MAOA: variants seen among roughly 807,000 people sequenced by gnomAD.
MAOA encodes the protein amine oxidase [flavin-containing] A.
MAOA carries 6 observed loss-of-function variants against 42.0 expected under a neutral mutation model. The ratio of observed to expected loss-of-function variants is 0.14; its 90% confidence interval spans 0.08 to 0.28. MAOA has a LOEUF of 0.28. Among genes scored for constraint, MAOA ranks in the 10% least tolerant of loss-of-function variants. The probability of loss-of-function intolerance (pLI) is 1.00; values close to 1 mark genes in which losing one functional copy is unlikely to be tolerated. For missense variants in MAOA, 262 were observed against 422.3 expected (o/e 0.62, Z 3.33); for synonymous variants, 140 against 154.0 (o/e 0.91, Z 0.67).
chrX:43,685,723 A>G (rs1338382934), intron 2 of MAOA, among the ~76,000 whole-genome samples: 1 of 112,014 alleles, frequency 8.9e-6, no homozygotes, highest in Non-Finnish European at 1.9e-5. Flanking sequence ...ATCAGGCCCT[A>G]TCTCAGAACT....
rs1601950356 is a variant in MAOA at position 43,740,665 on chromosome X, TGGCTCTG to T, written c.1107-15_1107-9del. On this transcript the variant is annotated splice_polypyrimidine_tract_variant and intron_variant, in intron 10 of 14. Coordinates refer to ENST00000338702, the MANE Select transcript of MAOA (RefSeq NM_000240.4). ...CCCTAACTTTATTTTTTTTTTTTTT[TGGCTCTG>T]TTTTATAGGAAGAAGAAAATCTGTG... 6.0e-6 allele frequency: 7 copies of T among 1,164,854 alleles called. No individual in the cohort carries two copies. In the Admixed American group the frequency reaches 7.1e-5, roughly 12 times the overall value.
intron 11 of MAOA, 76 bp downstream of exon 11, chrX:43,740,814 A>T: frequency 1.1e-6 from 1 of 924,197 alleles, no homozygotes; most frequent in Non-Finnish European, 1.5e-6. Flanking sequence ...GCATATTCTG[A>T]TTTTTTGACA....
chrX:43,732,587 A>G (rs2033890976), intron 8 of MAOA, 112 bp from the exon 9 acceptor site: 1 of 552,367 alleles, frequency 1.8e-6, no homozygotes, highest in Non-Finnish European at 3.2e-6. Flanking sequence ...GCCAAGACCA[A>G]GAGTTTAAGT....
In MAOA at chrX:43,712,705, A is replaced by T. The variant is rs1157474072; in HGVS notation, c.412A>T (p.Ile138Phe). Reference sequence around the variant, plus strand: ...GAGAGGGGACTTCCTTTCTCTACAGATTCCAACTGATGCACCCTGGGAGGC... The same window carrying T: ...GAGAGGGGACTTCCTTTCTCTACAGTTTCCAACTGATGCACCCTGGGAGGC... ...WRTIDNMGKEIPTDAPWEAQH... is the reference protein window; with the variant it reads ...WRTIDNMGKEFPTDAPWEAQH... Residue 138 changes from isoleucine (I) to phenylalanine (F), a missense_variant and splice_region_variant, in exon 5 of 15, where the codon ATT (isoleucine) becomes TTT (phenylalanine). Physicochemically the swap from Ile to Phe is conservative, Grantham distance 21. Transcript: ENST00000338702. 5.0e-6 allele frequency: 6 copies of T among 1,192,718 alleles called. No individual in the cohort carries two copies. The highest frequency in any genetic ancestry group is 6.8e-6 in the Non-Finnish European group (6 of 880,172).
intron 6 of MAOA, 151 bp downstream of exon 6, chrX:43,728,465 T>A (rs2033856676): frequency 9.6e-6 from 6 of 626,560 alleles, no homozygotes; most frequent in South Asian, 2.6e-5. Context: ...GAAAAAAAAA[T>A]TTCTCATTTC....
intron 1 of MAOA, among the ~76,000 whole-genome samples, chrX:43,673,895 T>C (rs2033361919): frequency 8.9e-6 from 1 of 111,895 alleles, no homozygotes; most frequent in Admixed American, 9.4e-5. Flanking sequence ...ATAGGTGTGG[T>C]GTGGTGCTGA....
intron 7 of MAOA, 40 bp downstream of exon 7, chrX:43,731,430 C>T: frequency 1.7e-6 from 2 of 1,159,043 alleles, no homozygotes; most frequent in Non-Finnish European, 2.4e-6. Context: ...AGTAAATAGG[C>T]CTTGTGTCTT....
chrX:43,731,974 A>C, intron 8 of MAOA, 121 bp downstream of exon 8: 2 of 731,198 alleles, frequency 2.7e-6, no homozygotes, highest in Non-Finnish European at 4.1e-6. Flanking sequence ...AAAAAGGATT[A>C]GAAATCTTGG....
chrX:43,733,552 T>C (rs983624659), intron 9 of MAOA, among the ~76,000 whole-genome samples: 8 of 112,046 alleles, frequency 7.1e-5, no homozygotes, highest in Non-Finnish European at 1.5e-4. Context: ...CCCTCTTGCC[T>C]GCCTTTTGGC....
intron 3 of MAOA, among the ~76,000 whole-genome samples, chrX:43,705,220 TAAAACAATGTGTACTTGTATA>T (rs2147091120): frequency 8.9e-6 from 1 of 112,411 alleles, no homozygotes; most frequent in East Asian, 2.8e-4. Flanking sequence ...GCTAGTGTGC[TAAAACAATGTGTACTTGTATA>T]AAAACAATGT....
At chrX:43,737,699 A>G (rs773289539) in intron 10 of MAOA, among the ~76,000 whole-genome samples, 1 of 111,716 alleles carries the variant, frequency 9.0e-6, no homozygotes, top group Admixed American at 9.5e-5. Flanking sequence ...TTCCGCAGAG[A>G]CCCCACCTCA....
At chrX:43,730,604 G>T (rs968116621) in intron 6 of MAOA, among the ~76,000 whole-genome samples, 1 of 104,731 alleles carries the variant, frequency 9.5e-6, no homozygotes, top group Non-Finnish European at 1.9e-5. Context: ...TGGTTCTCCT[G>T]CCTCAGCCTC....
chrX:43,680,500 T>C (rs1049444607), intron 1 of MAOA, among the ~76,000 whole-genome samples: 1 of 111,334 alleles, frequency 9.0e-6, no homozygotes, highest in Non-Finnish European at 1.9e-5. Flanking sequence ...AGAGGGCTGA[T>C]CACATTAGAA....
In MAOA at chrX:43,732,918, T is replaced by C. The variant is rs548648873; in HGVS notation, c.1052+123T>C. 1.6e-4 allele frequency: 89 copies of C among 541,166 alleles called. No homozygotes were observed. In the South Asian group the frequency reaches 2.0e-3, roughly 12 times the overall value. 44.6% of individuals were successfully genotyped at this position (541,166 alleles called of 1,213,427 possible). The stretch of plus-strand genomic sequence containing the variant: ...TGATGAATAATGCTATCAAAATATA[T>C]AATGTTTCCATGTGTTAAAATATTG... On this transcript the variant is annotated intron_variant, in intron 9 of 14. Transcript: ENST00000338702.
intron 2 of MAOA, among the ~76,000 whole-genome samples, chrX:43,685,323 C>T (rs1057277991): frequency 7.2e-5 from 8 of 111,802 alleles, no homozygotes; most frequent in Non-Finnish European, 1.1e-4. Flanking sequence ...GCTTTTCCTT[C>T]GCCAAAAGAC....
At position 43,740,709 on chromosome X, in the gene MAOA, A is replaced by G. The variant is rs756461907; in HGVS notation, c.1135A>G (p.Lys379Glu). Residue 379 changes from lysine to glutamate, a missense_variant, in exon 11 of 15, where the codon AAA becomes GAA. This residue lies in a region of MAOA where 86 missense variants were observed against 190.3 expected (regional missense o/e 0.45). Coordinates refer to ENST00000338702, the MANE Select transcript of MAOA (RefSeq NM_000240.4). Reference protein sequence around the residue: ...RKKKICELYAKVLGSQEALHP... With the variant: ...RKKKICELYAEVLGSQEALHP... ...GAAGAAAATCTGTGAGCTCTATGCC[A>G]AAGTGCTGGGATCCCAAGAAGCTTT... 2.5e-6 allele frequency: 3 copies of G among 1,197,655 alleles called. No individual in the cohort carries two copies. Among genetic ancestry groups the G allele is most frequent in the African/African-American group, 1.8e-5 (1 of 55,981 alleles).
intron 9 of MAOA, among the ~76,000 whole-genome samples, chrX:43,734,620 C>G (rs1360162705): frequency 8.9e-6 from 1 of 112,234 alleles, no homozygotes; most frequent in Non-Finnish European, 1.9e-5. Flanking sequence ...TTGCCCAGCA[C>G]TGTGTTTGTA....
chrX:43,715,478 T>C (rs2033735474), intron 5 of MAOA, among the ~76,000 whole-genome samples: 1 of 109,625 alleles, frequency 9.1e-6, no homozygotes, highest in African/African-American at 3.3e-5. Context: ...CAAGGGTGGA[T>C]ATTGGGCCGC....
intron 1 of MAOA, among the ~76,000 whole-genome samples, chrX:43,678,384 T>C (rs762817690): frequency 7.4e-4 from 83 of 112,182 alleles, no homozygotes; most frequent in African/African-American, 2.6e-3. Flanking sequence ...AATAAAAGAT[T>C]TAAGATGAGA....
Sources: allele counts gnomAD v4.1 joint callset (sites outside exome capture counted in the v4.1 genomes callset), GRCh38; gene constraint gnomAD v4.1.1; regional missense constraint gnomAD v4.1.1; transcripts MANE v1.5; gene names NCBI Gene and HGNC (gene_info 2026-07-23, HGNC 2026-07-21).